ZNF713: variants seen among roughly 807,000 people sequenced by gnomAD.
ZNF713 encodes zinc finger protein 713.
In ZNF713, 21 loss-of-function variants were observed where a neutral mutation model predicts 28.7. That is an observed-to-expected ratio of 0.73 (90% CI 0.52 to 1.05). ZNF713 has a LOEUF of 1.05. Ranked by LOEUF, ZNF713 falls within the 50% of genes least tolerant of loss-of-function variation. ZNF713 has a pLI of 0.00. For synonymous variants in ZNF713, 167 were observed against 178.0 expected (o/e 0.94, Z 0.49); for missense variants, 458 against 532.4 (o/e 0.86, Z 1.37).
chr7:55,900,857 G>T (rs570178678), intron 1 of ZNF713, among the ~76,000 whole-genome samples: 57 of 152,094 alleles, frequency 3.7e-4, no homozygotes, highest in African/African-American at 1.4e-3. Flanking sequence ...TTCTTTTAGA[G>T]ATGGGGTTTC....
At chr7:55,892,153 G>T (rs373463320) in intron 1 of ZNF713, among the ~76,000 whole-genome samples, 2 of 151,814 alleles carry the variant, frequency 1.3e-5, no homozygotes, top group Non-Finnish European at 2.9e-5. Context: ...GGTGGCGGGC[G>T]CCTGTAGTCC....
rs752512994 is a variant in ZNF713 at position 55,938,076 on chromosome 7, T to C, written c.308-906T>C. Reference sequence around the variant, plus strand: ...AAAATTAGCTGGGTGTGATGGTACATACCTGTAATCCCAGCTCCTCGGGAG... The same window carrying C: ...AAAATTAGCTGGGTGTGATGGTACACACCTGTAATCCCAGCTCCTCGGGAG... On this transcript the variant is annotated intron_variant, in intron 6 of 6. Transcript: ENST00000429591. Among the ~76,000 whole-genome samples, 41 of 151,972 alleles carry C rather than the reference T, an allele frequency of 2.7e-4. No homozygotes were observed. The East Asian group carries it at 2.9e-3, about 11-fold the overall frequency.
intron 1 of ZNF713, among the ~76,000 whole-genome samples, 191 bp downstream of exon 1, chr7:55,887,871 C>CGGCG (rs1554334679): frequency 1.8e-3 from 5 of 2,742 alleles, no homozygotes; most frequent in South Asian, 0.012. Context: ...CGGGCGGCGG[C>CGGCG]GGCGGCGGCG....
intron 6 of ZNF713, among the ~76,000 whole-genome samples, chr7:55,925,713 T>G (rs1381366498): frequency 1.3e-5 from 2 of 152,194 alleles, no homozygotes; most frequent in Non-Finnish European, 2.9e-5. Flanking sequence ...ACCTAACCAG[T>G]GCTCACATTC....
rs866870129 is a variant in ZNF713 at position 55,917,433 on chromosome 7, C to A, written c.87+4710C>A. Among the ~76,000 whole-genome samples the A allele has an allele frequency of 3.2e-4, 48 of 152,212 alleles. 1 individual carries two copies. In the Middle Eastern group the frequency reaches 0.014, roughly 43 times the overall value. On this transcript the variant is annotated intron_variant, in intron 4 of 6. Transcript: ENST00000429591. ...AGGTACAAAAGGCCAGGGACAGTGG[C>A]TCATGCCTGTAATCCCAGCACTTTG...
intron 1 of ZNF713, among the ~76,000 whole-genome samples, chr7:55,894,354 C>T (rs1046442220): frequency 4.6e-5 from 7 of 152,138 alleles, no homozygotes; most frequent in African/African-American, 1.7e-4. Flanking sequence ...TGTCTAAAGA[C>T]CTCTTGCAAA....
chr7:55,916,932 C>T (rs1785890486), intron 4 of ZNF713, among the ~76,000 whole-genome samples: 1 of 152,058 alleles, frequency 6.6e-6, no homozygotes, highest in African/African-American at 2.4e-5. Flanking sequence ...ACACCAAAAG[C>T]GGCCGGGCGC....
chr7:55,934,794 T>G (rs894660388), intron 6 of ZNF713, among the ~76,000 whole-genome samples: 1 of 151,962 alleles, frequency 6.6e-6, no homozygotes, highest in South Asian at 2.1e-4. Context: ...TGTGAGCCAC[T>G]GTGCCCAGCC....
intron 6 of ZNF713, 111 bp from the exon 7 acceptor site, chr7:55,938,871 A>G: frequency 8.8e-7 from 1 of 1,142,228 alleles, no homozygotes; most frequent in Non-Finnish European, 1.2e-6. Flanking sequence ...TATGCCTTGT[A>G]CACATTACTG....
chr7:55,933,027 G>A (rs907526851), intron 6 of ZNF713, among the ~76,000 whole-genome samples: 5 of 151,504 alleles, frequency 3.3e-5, no homozygotes, highest in African/African-American at 1.2e-4. Flanking sequence ...CACAAGGTCA[G>A]GAGTTCAAGA....
At chr7:55,898,777 T>A (rs1785519099) in intron 1 of ZNF713, among the ~76,000 whole-genome samples, 1 of 151,886 alleles carries the variant, frequency 6.6e-6, no homozygotes, top group South Asian at 2.1e-4. Context: ...ACATTCTCAT[T>A]CACAAAAAAT....
At chr7:55,898,048 T>G (rs1163344432) in intron 1 of ZNF713, among the ~76,000 whole-genome samples, 1 of 147,412 alleles carries the variant, frequency 6.8e-6, no homozygotes, top group South Asian at 2.3e-4. Flanking sequence ...CCACCCCACC[T>G]CTGAGGAGAA....
chr7:55,926,634 T>A (rs537898069), intron 6 of ZNF713, among the ~76,000 whole-genome samples: 2 of 152,312 alleles, frequency 1.3e-5, no homozygotes, highest in South Asian at 4.1e-4. Flanking sequence ...TGGTCCTTAT[T>A]TATCTAAAAT....
chr7:55,930,960 T>G (rs1786198052), intron 6 of ZNF713, among the ~76,000 whole-genome samples: 1 of 152,190 alleles, frequency 6.6e-6, no homozygotes, highest in Non-Finnish European at 1.5e-5. Context: ...AAATGCATTT[T>G]TCTTGCCATC....
At chr7:55,898,822 A>G (rs1482177240) in intron 1 of ZNF713, among the ~76,000 whole-genome samples, 2 of 152,186 alleles carry the variant, frequency 1.3e-5, no homozygotes, top group Non-Finnish European at 2.9e-5. Context: ...TCTAAAAAAA[A>G]AGACAACATA....
intron 6 of ZNF713, among the ~76,000 whole-genome samples, chr7:55,926,241 CA>C (rs1454441294): frequency 6.6e-6 from 1 of 152,130 alleles, no homozygotes; most frequent in Non-Finnish European, 1.5e-5. Flanking sequence ...ATCTGGGATG[CA>C]GAGGTTGCAG....
intron 1 of ZNF713, among the ~76,000 whole-genome samples, chr7:55,903,159 A>T (rs930249027): frequency 2.1e-4 from 32 of 151,990 alleles, no homozygotes; most frequent in South Asian, 6.2e-4. Flanking sequence ...TTAAAAATTT[A>T]AAAAAAATTA....
intron 2 of ZNF713, among the ~76,000 whole-genome samples, chr7:55,910,049 CAG>C (rs1785758221): frequency 6.7e-6 from 1 of 149,578 alleles, no homozygotes. Context: ...TTTTAAGAGA[CAG>C]GGTGTCATCA....
At chr7:55,925,720 A>G (rs886562112) in intron 6 of ZNF713, among the ~76,000 whole-genome samples, 4 of 152,228 alleles carry the variant, frequency 2.6e-5, no homozygotes, top group African/African-American at 9.6e-5. Context: ...CAGTGCTCAC[A>G]TTCCATGAAT....
Sources: allele counts gnomAD v4.1 joint callset (sites outside exome capture counted in the v4.1 genomes callset), GRCh38; gene constraint gnomAD v4.1.1; transcripts MANE v1.5; gene names NCBI Gene and HGNC (gene_info 2026-07-23, HGNC 2026-07-21).